RFC3: variants seen among roughly 807,000 people sequenced by gnomAD.
RFC3 encodes the protein replication factor C subunit 3.
A neutral mutation model predicts 45.1 loss-of-function variants in RFC3; 41 were observed. The ratio of observed to expected loss-of-function variants is 0.91; its 90% CI spans 0.71 to 1.18. The LOEUF (loss-of-function observed/expected upper bound fraction) is 1.18, where lower values mean the gene tolerates loss of function less well. Among genes scored for constraint, RFC3 ranks in the 50% most tolerant of loss-of-function variants. The pLI is 0.00. For synonymous variants in RFC3, 149 were observed against 144.0 expected (o/e 1.03, Z -0.25); for missense variants, 423 against 428.1 (o/e 0.99, Z 0.10).
At chr13:33,853,975 G>A (rs2082293665) in intron 8 of RFC3, among the ~76,000 whole-genome samples, 1 of 152,150 alleles carries the variant, frequency 6.6e-6, no homozygotes, top group African/African-American at 2.4e-5. Flanking sequence ...CAGTCATCAC[G>A]GGGAGATACA....
intron 8 of RFC3, among the ~76,000 whole-genome samples, chr13:33,954,374 A>G (rs561654183): frequency 1.3e-5 from 2 of 152,196 alleles, no homozygotes; most frequent in Admixed American, 6.5e-5. Flanking sequence ...CATTTCATCA[A>G]ATGTCCATGA....
At chr13:33,822,759 T>C (rs2082015109) in intron 2 of RFC3, among the ~76,000 whole-genome samples, 1 of 152,182 alleles carries the variant, frequency 6.6e-6, no homozygotes, top group Admixed American at 6.5e-5. Flanking sequence ...ATATCTTCGA[T>C]TAAAATTTTT....
At chr13:33,971,178 C>A (rs771947742), downstream of RFC3, among the ~76,000 whole-genome samples, 1 of 151,964 alleles carries the variant, frequency 6.6e-6, no homozygotes, top group Non-Finnish European at 1.5e-5. Context: ...ACCTTCAGAC[C>A]AGCTGAACTC....
In RFC3 at chr13:33,836,493, A is replaced by C. The variant is rs3135637; in HGVS notation, c.*198A>C. The C allele has an allele frequency of 6.0e-6, 8 of 1,322,474 alleles. No individual in the cohort carries two copies. The South Asian group carries it at 6.6e-5, about 11-fold the overall frequency. The allele number at this position is 1,322,474 out of a possible 1,614,324, so 81.9% of individuals were successfully genotyped here. On this transcript the variant is annotated 3_prime_UTR_variant, in exon 9 of 9. Transcript: ENST00000380071. ...ACTATTGAAGTATGTAGTTTTGTAC[A>C]TAACTTAGAGACTTTAGAGTCTAAG...
At position 33,899,624 on chromosome 13, in the gene RFC3, A is replaced by G. The variant is rs531200781; in HGVS notation, c.879+64407A>G. Among the ~76,000 whole-genome samples, 4 of 152,046 alleles carry G rather than the reference A, an allele frequency of 2.6e-5. No individual in the cohort carries two copies. In the East Asian group the frequency reaches 7.7e-4, roughly 29 times the overall value. ...CTTTTCCTTTAAGATCTGCAAAAAGACAAGGATGCCCACTTTCACCACTTT... is the reference window on the plus strand; with the variant it reads ...CTTTTCCTTTAAGATCTGCAAAAAGGCAAGGATGCCCACTTTCACCACTTT... On this transcript the variant is annotated intron_variant, in intron 8 of 8. Coordinates refer to the RFC3 transcript ENST00000434425.
intron 1 of RFC3, 99 bp from the exon 2 acceptor site, chr13:33,821,033 G>T: frequency 8.1e-7 from 1 of 1,232,188 alleles, no homozygotes; most frequent in Admixed American, 2.2e-5. Context: ...GGAGTTTCAT[G>T]GGTAGACACA....
intron 2 of RFC3, among the ~76,000 whole-genome samples, chr13:33,822,632 C>G (rs968351239): frequency 3.3e-5 from 5 of 152,054 alleles, no homozygotes; most frequent in Admixed American, 3.3e-4. Flanking sequence ...GAGGATAAGC[C>G]AGCAGTGTGT....
At chr13:33,891,712 A>G (rs1192333149) in intron 8 of RFC3, among the ~76,000 whole-genome samples, 3 of 152,168 alleles carry the variant, frequency 2.0e-5, no homozygotes, top group African/African-American at 7.2e-5. Context: ...ACTATATAAT[A>G]TCAAACATGT....
intron 8 of RFC3, among the ~76,000 whole-genome samples, chr13:33,942,897 A>G (rs956389563): frequency 2.6e-5 from 4 of 152,140 alleles, no homozygotes; most frequent in African/African-American, 7.2e-5. Flanking sequence ...GCCTGTTCCA[A>G]TGACATGAAA....
chr13:33,902,458 T>C (rs1022485644), intron 8 of RFC3, among the ~76,000 whole-genome samples: 7 of 152,084 alleles, frequency 4.6e-5, no homozygotes, highest in Non-Finnish European at 1.0e-4. Flanking sequence ...TTATTAATTA[T>C]ATGGAAATCA....
intron 8 of RFC3, among the ~76,000 whole-genome samples, chr13:33,889,776 T>G (rs1188784565): frequency 1.3e-5 from 2 of 152,196 alleles, no homozygotes. Flanking sequence ...GACAGCAACC[T>G]TTTTAGATGC....
rs1161087958 is a variant in RFC3, at chr13:33,835,143, T to C, written c.810-5T>C. Reference sequence around the variant, plus strand: ...ACAAAATACCAATTATTTTGTTTTATGTAGGCTCCTTGAAGTTCGTGGAAG... The same window carrying C: ...ACAAAATACCAATTATTTTGTTTTACGTAGGCTCCTTGAAGTTCGTGGAAG... On this transcript the variant is annotated splice_polypyrimidine_tract_variant and splice_region_variant and intron_variant, in intron 7 of 8. Coordinates refer to ENST00000380071, the MANE Select transcript of RFC3 (RefSeq NM_002915.4). The C allele has an allele frequency of 1.9e-6, 3 of 1,591,328 alleles. No individual in the cohort carries two copies. The highest frequency in any genetic ancestry group is 1.1e-5 in the South Asian group (1 of 88,876).
At chr13:33,949,549 A>G (rs2082975843) in intron 8 of RFC3, among the ~76,000 whole-genome samples, 1 of 152,200 alleles carries the variant, frequency 6.6e-6, no homozygotes, top group Non-Finnish European at 1.5e-5. Flanking sequence ...GTGGCTCACA[A>G]CTCAAACATT....
At chr13:33,830,547 G>A (rs905868784) in intron 5 of RFC3, among the ~76,000 whole-genome samples, 172 bp from the exon 6 acceptor site, 1 of 152,112 alleles carries the variant, frequency 6.6e-6, no homozygotes, top group Non-Finnish European at 1.5e-5. Flanking sequence ...GCAAAGTAGG[G>A]ATAATATGCA....
intron 8 of RFC3, among the ~76,000 whole-genome samples, chr13:33,870,788 G>A (rs1413189510): frequency 6.6e-6 from 1 of 152,136 alleles, no homozygotes; most frequent in Non-Finnish European, 1.5e-5. Context: ...TTGTATACTA[G>A]TCAAACAGAT....
At chr13:33,868,952 G>T (rs1375906313) in intron 8 of RFC3, among the ~76,000 whole-genome samples, 3 of 152,194 alleles carry the variant, frequency 2.0e-5, no homozygotes, top group Non-Finnish European at 4.4e-5. Context: ...TGTTCCAGTG[G>T]TACAAAGCCA....
intron 8 of RFC3, among the ~76,000 whole-genome samples, chr13:33,943,723 A>G (rs1159535591): frequency 1.3e-5 from 2 of 151,842 alleles, no homozygotes; most frequent in Non-Finnish European, 2.9e-5. Flanking sequence ...ATTCTCTTGA[A>G]TCTGTAGAAC....
chr13:33,885,059 T>C (rs1412108043), intron 8 of RFC3, among the ~76,000 whole-genome samples: 2 of 152,136 alleles, frequency 1.3e-5, no homozygotes, highest in Non-Finnish European at 2.9e-5. Context: ...AAGACTGCCC[T>C]ATTGAACGGA....
At chr13:33,853,313 G>A (rs568433711) in intron 8 of RFC3, among the ~76,000 whole-genome samples, 1 of 152,234 alleles carries the variant, frequency 6.6e-6, no homozygotes, top group East Asian at 1.9e-4. Context: ...TTTCACCATA[G>A]ATGTGCATTA....
Sources: allele counts gnomAD v4.1 joint callset (sites outside exome capture counted in the v4.1 genomes callset), GRCh38; gene constraint gnomAD v4.1.1; transcripts MANE v1.5; gene names NCBI Gene and HGNC (gene_info 2026-07-23, HGNC 2026-07-21).